Variants in PLCH1 observed in about 807,000 individuals in gnomAD.
PLCH1 encodes 1-phosphatidylinositol 4,5-bisphosphate phosphodiesterase eta-1.
A neutral mutation model predicts 126.7 loss-of-function variants in PLCH1; 60 were observed. The ratio of observed to expected loss-of-function variants is 0.47; its 90% CI spans 0.38 to 0.59. PLCH1 has a LOEUF of 0.59. Ranked by LOEUF, PLCH1 falls within the 20% of genes least tolerant of loss-of-function variation. The pLI, the probability that PLCH1 is intolerant of heterozygous loss-of-function variation, is 0.00. For synonymous variants in PLCH1, 719 were observed against 734.9 expected (o/e 0.98, Z 0.35); for missense variants, 1,723 against 2,040.0 (o/e 0.84, Z 2.99).
chr3:155,600,291 T>C (rs921340648), intron 2 of PLCH1, among the ~76,000 whole-genome samples: 1 of 152,194 alleles, frequency 6.6e-6, no homozygotes, highest in African/African-American at 2.4e-5. Flanking sequence ...CATTTACGTG[T>C]CAGCACAAGC....
At chr3:155,571,964 C>G (rs1006986709) in intron 6 of PLCH1, among the ~76,000 whole-genome samples, 3 of 152,274 alleles carry the variant, frequency 2.0e-5, no homozygotes, top group African/African-American at 7.2e-5. Context: ...TCCTTTCTCA[C>G]AGAACATTTT....
chr3:155,467,260 A>C (rs74328244), intron 21 of PLCH1, among the ~76,000 whole-genome samples: 1 of 151,966 alleles, frequency 6.6e-6, no homozygotes, highest in African/African-American at 2.4e-5. Flanking sequence ...TGACCAAAAA[A>C]AAAAAATAAA....
chr3:155,540,881 C>T (rs1387963653), intron 10 of PLCH1, among the ~76,000 whole-genome samples: 1 of 152,202 alleles, frequency 6.6e-6, no homozygotes, highest in Non-Finnish European at 1.5e-5. Context: ...GTAGATACCA[C>T]TCCTGCATCT....
Position 155,481,316 on chromosome 3 carries a change from C to T in PLCH1, c.4710G>A (p.Leu1570=), listed in dbSNP as rs772403992. Residue 1570 remains leucine, a synonymous_variant, in exon 23 of 23, where the codon TTG becomes TTA. Transcript: ENST00000460012. This position sits in a 1 kb window ranked among gnomAD's most constrained non-coding sequence, Gnocchi z 4.2. ...NQLPRALVRK[L]SSRSQSRVRN... is the part of the protein sequence containing the mutation. ...GCACTCTGCTCTGACTTCTGGATGA[C>T]AACTTCCTGACCAGTGCCCGGGGGA... 2.5e-6 allele frequency: 4 copies of T among 1,614,246 alleles called. No homozygotes were observed. The highest frequency in any genetic ancestry group is 1.1e-5 in the South Asian group (1 of 91,088).
rs544668013 is a variant in PLCH1 at position 155,710,146 on chromosome 3, C to T, written c.-40-5882G>A. 3.9e-5 allele frequency among the ~76,000 whole-genome samples: 6 copies of T among 152,122 alleles called. No homozygotes were observed. The East Asian group carries it at 9.8e-4, about 25-fold the overall frequency. On this transcript the variant is annotated intron_variant, in intron 1 of 22. Transcript: ENST00000460012. ...GGGACTACAGGCACACGCCACCACACCTGGCGAATTTTTGTATTTTTTTAG... is the reference window on the plus strand; with the variant it reads ...GGGACTACAGGCACACGCCACCACATCTGGCGAATTTTTGTATTTTTTTAG...
chr3:155,704,940 C>T lies in PLCH1; in HGVS notation c.-40-676G>A, dbSNP rs542636830. ...AGAAACACAATGCTAGCTAGAGCAA[C>T]AACTTGAAAAGCAGAGATCTGAGTC... On this transcript the variant is annotated intron_variant, in intron 1 of 22. Transcript: ENST00000460012. Among the ~76,000 whole-genome samples, 16 of 152,312 alleles carry T rather than the reference C, an allele frequency of 1.1e-4. No homozygotes were observed. In the South Asian group the frequency reaches 2.9e-3, roughly 28 times the overall value.
chr3:155,580,163 T>G lies in PLCH1; in HGVS notation c.771+3309A>C, dbSNP rs921325713. ...ATTTAATAACTAATCATTTGTTCAC[T>G]GTTTTGTTAATTATAAACTGAAACA... On this transcript the variant is annotated intron_variant, in intron 6 of 22. Transcript: ENST00000460012. Among the ~76,000 whole-genome samples the G allele has an allele frequency of 2.0e-5, 3 of 152,368 alleles. No homozygotes were observed. The South Asian group carries it at 6.2e-4, about 32-fold the overall frequency.
rs752822832 is a variant in PLCH1, at chr3:155,481,807, G to A, written c.4219C>T (p.Pro1407Ser). ...RNGYCKETLRPSVPEIFNNIQ... is the reference protein window; with the variant it reads ...RNGYCKETLRSSVPEIFNNIQ... ...TTGTTGAATATTTCAGGGACAGAAG[G>A]GCGGAGGGTCTCTTTACAGTAGCCG... Residue 1407 changes from proline (P) to serine (S), a missense_variant, in exon 23 of 23, where the codon CCT (proline) becomes TCT (serine). Around this residue, in one of 2 missense-constraint regions of PLCH1, gnomAD observed 947 missense variants for 977.1 expected, o/e 0.97. Coordinates refer to ENST00000460012, the MANE Select transcript of PLCH1 (RefSeq NM_014996.4). The surrounding 1 kb of genome is among the most constrained non-coding windows in gnomAD (Gnocchi z 4.2). 7.4e-6 allele frequency: 12 copies of A among 1,614,160 alleles called. No individual in the cohort carries two copies. The highest frequency in any genetic ancestry group is 1.7e-6 in the Non-Finnish European group (2 of 1,180,008).
At chr3:155,548,761 A>G (rs751845279) in intron 10 of PLCH1, among the ~76,000 whole-genome samples, 11 of 152,234 alleles carry the variant, frequency 7.2e-5, no homozygotes, top group Non-Finnish European at 1.6e-4. Context: ...TTTATTCAAA[A>G]TACCTTTATG....
chr3:155,688,111 G>A (rs1697623546), intron 2 of PLCH1, among the ~76,000 whole-genome samples: 1 of 152,124 alleles, frequency 6.6e-6, no homozygotes, highest in African/African-American at 2.4e-5. Context: ...GATGCCACTA[G>A]GCAAGGAGAG....
chr3:155,633,351 A>AC (rs1270721512), intron 2 of PLCH1, among the ~76,000 whole-genome samples: 2 of 151,674 alleles, frequency 1.3e-5, no homozygotes, highest in Non-Finnish European at 2.9e-5. Context: ...TTCTTCAAAA[A>AC]AAAAAAAACC....
intron 2 of PLCH1, among the ~76,000 whole-genome samples, chr3:155,697,269 G>A (rs1019014282): frequency 5.3e-5 from 8 of 152,150 alleles, no homozygotes; most frequent in African/African-American, 1.7e-4. Flanking sequence ...AAATTAAGTC[G>A]CCCTAATCTA....
At chr3:155,694,422 T>G (rs73876917) in intron 2 of PLCH1, among the ~76,000 whole-genome samples, 2,283 of 152,292 alleles carry the variant, frequency 0.015, 61 homozygotes, top group African/African-American at 0.052. Context: ...AGTCTCCACA[T>G]CTAGAGATGA....
intron 9 of PLCH1, among the ~76,000 whole-genome samples, chr3:155,551,304 G>A (rs1431174564): frequency 1.3e-5 from 2 of 151,780 alleles, no homozygotes; most frequent in Non-Finnish European, 2.9e-5. Context: ...AATTAGCCAG[G>A]CATTGTGGCA....
chr3:155,568,084 TA>T (rs1171294566), intron 7 of PLCH1, 146 bp downstream of exon 7: 1 of 540,728 alleles, frequency 1.8e-6, no homozygotes, highest in Non-Finnish European at 3.3e-6. Flanking sequence ...TGCAGGAAAA[TA>T]TATGTGTGTT....
chr3:155,605,262 G>A (rs867045913), intron 2 of PLCH1, among the ~76,000 whole-genome samples: 12 of 152,116 alleles, frequency 7.9e-5, no homozygotes, highest in African/African-American at 2.9e-4. Context: ...TCAAGCCCTT[G>A]GGTGAGTTTT....
At chr3:155,548,162 AAAC>A (rs1430587536) in intron 10 of PLCH1, among the ~76,000 whole-genome samples, 1 of 152,232 alleles carries the variant, frequency 6.6e-6, no homozygotes, top group South Asian at 2.1e-4. Flanking sequence ...TTGTAATAAT[AAAC>A]AACTTGTCAA....
chr3:155,612,908 T>TAAAAAAAA (rs59489759), intron 2 of PLCH1, among the ~76,000 whole-genome samples: 7,838 of 91,454 alleles, frequency 0.086, 242 homozygotes, highest in East Asian at 0.23. Flanking sequence ...AACTGTGTAT[T>TAAAAAAAA]AAAAAAAAAA....
chr3:155,630,411 TATTAG>T (rs1287524503), intron 2 of PLCH1, among the ~76,000 whole-genome samples: 1 of 152,250 alleles, frequency 6.6e-6, no homozygotes, highest in Non-Finnish European at 1.5e-5. Flanking sequence ...GAAAGTGTTT[TATTAG>T]ATCAATCAGA....
Sources: allele counts gnomAD v4.1 joint callset (sites outside exome capture counted in the v4.1 genomes callset), GRCh38; gene constraint gnomAD v4.1.1; regional missense constraint gnomAD v4.1.1; non-coding constraint Gnocchi (gnomAD v3.1); transcripts MANE v1.5; gene names NCBI Gene and HGNC (gene_info 2026-07-23, HGNC 2026-07-21).